SLIT2: variants seen among roughly 807,000 people sequenced by gnomAD.
SLIT2 encodes the protein slit guidance ligand 2.
SLIT2 carries 41 observed loss-of-function variants against 185.7 expected under a neutral mutation model. The ratio of observed to expected loss-of-function variants is 0.22; its 90% CI spans 0.17 to 0.29. The LOEUF (loss-of-function observed/expected upper bound fraction) is 0.29. Among genes scored for constraint, SLIT2 ranks in the 10% least tolerant of loss-of-function variants. The pLI is 1.00. For missense variants in SLIT2, 1,571 were observed against 1,909.0 expected (o/e 0.82, Z 3.30); for synonymous variants, 693 against 680.2 (o/e 1.02, Z -0.29).
intron 30 of SLIT2, among the ~76,000 whole-genome samples, chr4:20,593,074 T>C (rs1312084898): frequency 2.0e-5 from 3 of 152,176 alleles, no homozygotes; most frequent in Non-Finnish European, 4.4e-5. Context: ...TTAATTATCC[T>C]TACTTCAAAT....
At chr4:20,346,229 C>A (rs1396389721) in intron 4 of SLIT2, among the ~76,000 whole-genome samples, 1 of 152,124 alleles carries the variant, frequency 6.6e-6, no homozygotes, top group African/African-American at 2.4e-5. Flanking sequence ...TTCCTGGGCT[C>A]AAGCTATCCG....
intron 17 of SLIT2, among the ~76,000 whole-genome samples, chr4:20,532,275 C>T (rs1200596938): frequency 1.3e-5 from 2 of 152,170 alleles, no homozygotes; most frequent in African/African-American, 4.8e-5. Flanking sequence ...AAGCATCTTA[C>T]TTTAACTCAG....
rs1728240003 is a variant in SLIT2 at position 20,422,486 on chromosome 4, C to G, written c.396-45266C>G. Among the ~76,000 whole-genome samples the G allele has an allele frequency of 2.0e-5, 3 of 151,950 alleles. No homozygotes were observed. In the South Asian group the frequency reaches 6.2e-4, roughly 32 times the overall value. ...CCACTATTTGATCATTTTGATTGAC[C>G]AAAAAAAGCTGGCAATTTCAAATGA... On this transcript the variant is annotated intron_variant, in intron 4 of 36. Coordinates refer to ENST00000504154, the MANE Select transcript of SLIT2 (RefSeq NM_004787.4).
intron 4 of SLIT2, among the ~76,000 whole-genome samples, chr4:20,377,848 C>T (rs1173378766): frequency 6.6e-6 from 1 of 151,970 alleles, no homozygotes; most frequent in Admixed American, 6.6e-5. Context: ...AAAATTCATA[C>T]AACGAGTAGC....
chr4:20,411,880 A>G (rs1268867647), intron 4 of SLIT2, among the ~76,000 whole-genome samples: 1 of 152,190 alleles, frequency 6.6e-6, no homozygotes, highest in African/African-American at 2.4e-5. Context: ...TTGCCAGCGC[A>G]GGAAAGTGAG....
rs535945886 is a variant in SLIT2 at position 20,527,222 on chromosome 4, G to A, written c.1463-1727G>A. ...TCATTCACTTTTACGTGTGTACCTC[G>A]CTACTACCATTTTATATGGCACTCT... On this transcript the variant is annotated intron_variant, in intron 15 of 36. Coordinates refer to ENST00000504154, the MANE Select transcript of SLIT2 (RefSeq NM_004787.4). Among the ~76,000 whole-genome samples the A allele has an allele frequency of 5.3e-5, 8 of 152,042 alleles. No individual in the cohort carries two copies. In the East Asian group the frequency reaches 1.2e-3, roughly 22 times the overall value.
intron 3 of SLIT2, among the ~76,000 whole-genome samples, chr4:20,260,664 T>C (rs1320478997): frequency 6.6e-6 from 1 of 151,608 alleles, no homozygotes; most frequent in East Asian, 1.9e-4. Context: ...CTGTACCTTT[T>C]AAAAATTCAG....
chr4:20,349,964 G>A (rs1387186200), intron 4 of SLIT2, among the ~76,000 whole-genome samples: 1 of 152,154 alleles, frequency 6.6e-6, no homozygotes, highest in Non-Finnish European at 1.5e-5. Flanking sequence ...ATCTGTATAA[G>A]TAATATTCTA....
chr4:20,466,960 G>A (rs1714422249), intron 4 of SLIT2, among the ~76,000 whole-genome samples: 1 of 151,982 alleles, frequency 6.6e-6, no homozygotes, highest in Non-Finnish European at 1.5e-5. Flanking sequence ...TTCTCATTAA[G>A]GCTAATAATA....
At chr4:20,290,197 C>G (rs1715659595) in intron 4 of SLIT2, among the ~76,000 whole-genome samples, 2 of 152,174 alleles carry the variant, frequency 1.3e-5, no homozygotes, top group African/African-American at 2.4e-5. Context: ...AAACCATGTT[C>G]CCTTTATAAA....
intron 18 of SLIT2, among the ~76,000 whole-genome samples, chr4:20,538,347 G>A (rs556341882): frequency 1.3e-5 from 2 of 152,300 alleles, no homozygotes; most frequent in South Asian, 4.1e-4. Context: ...ACAAAGGAAA[G>A]CACTGATAGG....
chr4:20,426,940 G>A (rs1431277343), intron 4 of SLIT2, among the ~76,000 whole-genome samples: 1 of 152,100 alleles, frequency 6.6e-6, no homozygotes, highest in African/African-American at 2.4e-5. Flanking sequence ...TAAGAGTTAG[G>A]AGTAGAGTCC....
chr4:20,405,601 T>C (rs2109411820), intron 4 of SLIT2, among the ~76,000 whole-genome samples: 1 of 152,032 alleles, frequency 6.6e-6, no homozygotes, highest in East Asian at 1.9e-4. Context: ...CAGGAAAACA[T>C]GGAGGCTATT....
chr4:20,463,505 A>T (rs1468916598), intron 4 of SLIT2, among the ~76,000 whole-genome samples: 1 of 104,860 alleles, frequency 9.5e-6, no homozygotes, highest in South Asian at 3.6e-4. Context: ...GTGTGTGCGT[A>T]TATCCATATA....
intron 4 of SLIT2, among the ~76,000 whole-genome samples, chr4:20,371,651 A>G (rs1236504124): frequency 6.6e-6 from 1 of 152,046 alleles, no homozygotes; most frequent in Non-Finnish European, 1.5e-5. Flanking sequence ...CCTCTCACAC[A>G]GTGCATGGTT....
At chr4:20,507,743 A>G (rs1719338016) in intron 9 of SLIT2, among the ~76,000 whole-genome samples, 1 of 151,960 alleles carries the variant, frequency 6.6e-6, no homozygotes, top group Non-Finnish European at 1.5e-5. Context: ...TAGTATATGA[A>G]CTAGCTTTGC....
At chr4:20,552,204 A>T (rs1018276617) in intron 25 of SLIT2, among the ~76,000 whole-genome samples, 1 of 152,146 alleles carries the variant, frequency 6.6e-6, no homozygotes, top group South Asian at 2.1e-4. Context: ...ATGAGGAGGT[A>T]GCCGTTCTGC....
chr4:20,570,750 T>TAC (rs1725533832), intron 29 of SLIT2, among the ~76,000 whole-genome samples: 1 of 141,770 alleles, frequency 7.1e-6, no homozygotes, highest in Non-Finnish European at 1.5e-5. Flanking sequence ...TATATATATA[T>TAC]ATATATATAT....
chr4:20,321,409 A>G (rs866091362), intron 4 of SLIT2, among the ~76,000 whole-genome samples: 4 of 152,186 alleles, frequency 2.6e-5, no homozygotes, highest in South Asian at 2.1e-4. Context: ...CAGGGGCTAC[A>G]CCATTTCTAA....
Sources: gnomAD v4.1 joint callset for allele counts (sites outside exome capture counted in the v4.1 genomes callset) on GRCh38, gnomAD v4.1.1 for gene constraint, MANE v1.5 for transcripts, NCBI Gene and HGNC (gene_info 2026-07-23, HGNC 2026-07-21) for gene names.